IMPG1: variants seen among roughly 807,000 people sequenced by gnomAD.
IMPG1 encodes the protein interphotoreceptor matrix proteoglycan of 150 kDa.
In IMPG1, 85 loss-of-function variants were observed where a neutral mutation model predicts 92.0. The observed-to-expected ratio is 0.92, with a 90% CI of 0.78 to 1.11. The LOEUF (loss-of-function observed/expected upper bound fraction) is 1.11. IMPG1 is among the 50% of genes least tolerant of loss of function. The pLI is 0.00. For missense variants in IMPG1, 1,022 were observed against 956.0 expected (o/e 1.07, Z -0.91); for synonymous variants, 367 against 334.1 (o/e 1.10, Z -1.08).
chr6:75,931,207 G>A (rs961934325), intron 14 of IMPG1, 56 bp from the exon 15 acceptor site: 4 of 1,516,242 alleles, frequency 2.6e-6, no homozygotes, highest in Non-Finnish European at 3.6e-6. Context: ...CAATGGAACT[G>A]GCAGCAGTCA....
rs758515654 is a variant in IMPG1, at chr6:76,003,944, G to C, written c.1142C>G (p.Ala381Gly). ...AGGACCAAAGGCTGGCAGTGATCCA[G>C]CAATTTCTATGGGTAAAAAATCACA... is the stretch of plus-strand genomic sequence containing the variant. ...VGTIQFTDEIAGSLPAFGPDT... is the reference protein window; with the variant it reads ...VGTIQFTDEIGGSLPAFGPDT... Residue 381 changes from alanine (A) to glycine (G), a missense_variant, in exon 11 of 17, where the codon GCT becomes GGT. Around this residue, in one of 3 missense-constraint regions of IMPG1, gnomAD observed 681 missense variants for 583.6 expected, o/e 1.17. Transcript: ENST00000369950. The C allele has an allele frequency of 6.2e-7, 1 of 1,611,106 alleles. No homozygotes were observed. Among genetic ancestry groups the C allele is most frequent in the South Asian group, 1.1e-5 (1 of 90,652 alleles).
intron 15 of IMPG1, among the ~76,000 whole-genome samples, chr6:75,926,532 G>A (rs551188331): frequency 6.6e-5 from 10 of 152,288 alleles, no homozygotes; most frequent in African/African-American, 2.4e-4. Flanking sequence ...TACTGAAACT[G>A]TCCCCTATAT....
chr6:76,042,168 ATG>A (rs750391107), intron 1 of IMPG1, 42 bp from the exon 2 acceptor site: 1 of 961,128 alleles, frequency 1.0e-6, no homozygotes, highest in Non-Finnish European at 1.7e-6. Context: ...ATATACATTT[ATG>A]TGTTATATGT....
At chr6:75,936,275 C>T (rs1310324706) in intron 14 of IMPG1, among the ~76,000 whole-genome samples, 6 of 152,222 alleles carry the variant, frequency 3.9e-5, no homozygotes, top group African/African-American at 1.2e-4. Context: ...GCGTGTTCCA[C>T]GGCATAAAGC....
At chr6:75,951,815 G>A (rs1159603363) in intron 12 of IMPG1, among the ~76,000 whole-genome samples, 4 of 151,946 alleles carry the variant, frequency 2.6e-5, no homozygotes, top group Admixed American at 1.3e-4. Context: ...AGTAGTACAC[G>A]CCTGTAATTC....
chr6:76,023,854 A>C (rs1783477517), intron 5 of IMPG1, among the ~76,000 whole-genome samples: 1 of 152,194 alleles, frequency 6.6e-6, no homozygotes, highest in Admixed American at 6.5e-5. Context: ...GCTAAAGTAC[A>C]TTACCTTCAA....
intron 4 of IMPG1, among the ~76,000 whole-genome samples, chr6:76,031,232 T>C (rs1783648347): frequency 6.6e-6 from 1 of 152,234 alleles, no homozygotes; most frequent in Non-Finnish European, 1.5e-5. Flanking sequence ...GCATTGTGTC[T>C]GTGTTAGTAT....
rs569057871 is a variant in IMPG1 at position 76,030,676 on chromosome 6, C to T, written c.497+3639G>A. Among the ~76,000 whole-genome samples, 110 of 152,280 alleles carry T rather than the reference C, an allele frequency of 7.2e-4. 1 individual carries two copies. The Middle Eastern group carries it at 0.014, about 19-fold the overall frequency. On this transcript the variant is annotated intron_variant, in intron 4 of 16. Transcript: ENST00000369950. ...CCAAACAGTCATGCAACCAGAGCCTCGGACAATGGCCCCTTCTGCTGGGAA... is the reference window on the plus strand; with the variant it reads ...CCAAACAGTCATGCAACCAGAGCCTTGGACAATGGCCCCTTCTGCTGGGAA...
chr6:76,056,373 AAAAC>A (rs1226411846), intron 1 of IMPG1, among the ~76,000 whole-genome samples: 1 of 152,168 alleles, frequency 6.6e-6, no homozygotes, highest in African/African-American at 2.4e-5. Context: ...TTACAAGAAG[AAAAC>A]AAACAAGCAA....
At chr6:76,012,641 G>C (rs1053509660) in intron 7 of IMPG1, among the ~76,000 whole-genome samples, 68 of 152,310 alleles carry the variant, frequency 4.5e-4, no homozygotes, top group African/African-American at 1.6e-3. Context: ...CAGGGTGAAA[G>C]GTGAAACTGA....
intron 6 of IMPG1, among the ~76,000 whole-genome samples, chr6:76,020,017 A>G (rs60919176): frequency 0.045 from 6,893 of 152,158 alleles, 503 homozygotes; most frequent in African/African-American, 0.16. Flanking sequence ...TGAGGGAAGA[A>G]CATTTTTCAG....
At chr6:76,043,418 G>C (rs757930147) in intron 1 of IMPG1, among the ~76,000 whole-genome samples, 4 of 152,264 alleles carry the variant, frequency 2.6e-5, no homozygotes, top group South Asian at 2.1e-4. Flanking sequence ...ATATTGTAGA[G>C]GGTGGAGAAA....
intron 12 of IMPG1, among the ~76,000 whole-genome samples, chr6:75,986,197 C>G (rs889465554): frequency 3.6e-4 from 55 of 152,080 alleles, no homozygotes; most frequent in African/African-American, 9.9e-4. Context: ...GTTTTGGCTC[C>G]TTTTAAATTT....
At chr6:76,038,955 A>G (rs1473160873) in intron 2 of IMPG1, among the ~76,000 whole-genome samples, 1 of 152,250 alleles carries the variant, frequency 6.6e-6, no homozygotes, top group Non-Finnish European at 1.5e-5. Context: ...AATGCACAGT[A>G]CAGGGTTGTG....
rs777316946 is a variant in IMPG1, at chr6:76,042,038, G to A, written c.156C>T (p.Tyr52=). ...NETTESTEKM[Y]KMSTMRRIFD... ...ATATTCGTCTCATAGTTGACATTTT[G>A]TACATTTTTTCAGTACTTTCAGTTG... The change falls in exon 2 of 17, where the codon TAC becomes TAT. Residue 52 remains tyrosine, a synonymous_variant. Coordinates refer to ENST00000369950, the MANE Select transcript of IMPG1 (RefSeq NM_001563.4). 1.2e-6 allele frequency: 2 copies of A among 1,612,340 alleles called. No individual in the cohort carries two copies. The highest frequency in any genetic ancestry group is 1.7e-6 in the Non-Finnish European group (2 of 1,178,468).
chr6:75,953,852 A>T (rs1263154547), intron 12 of IMPG1, among the ~76,000 whole-genome samples: 3 of 152,108 alleles, frequency 2.0e-5, no homozygotes, highest in African/African-American at 7.2e-5. Flanking sequence ...TATGAGTGAG[A>T]ACATGCGGTG....
chr6:75,960,842 A>G (rs1241599402), intron 12 of IMPG1, among the ~76,000 whole-genome samples: 1 of 152,232 alleles, frequency 6.6e-6, no homozygotes, highest in Admixed American at 6.5e-5. Context: ...GATTTAAAAT[A>G]ACTGTTATGC....
At chr6:75,947,959 A>G (rs761565237) in intron 13 of IMPG1, among the ~76,000 whole-genome samples, 3 of 152,220 alleles carry the variant, frequency 2.0e-5, no homozygotes, top group Non-Finnish European at 4.4e-5. Flanking sequence ...GGATGCAGCC[A>G]ATTTGAAATG....
chr6:75,987,301 C>CTTT (rs201510997), intron 12 of IMPG1, among the ~76,000 whole-genome samples: 3 of 143,064 alleles, frequency 2.1e-5, no homozygotes, highest in African/African-American at 7.7e-5. Context: ...GACACACAGT[C>CTTT]TTTTTTTTTT....
Sources: gnomAD v4.1 joint callset for allele counts (sites outside exome capture counted in the v4.1 genomes callset) on GRCh38, gnomAD v4.1.1 for gene constraint, gnomAD v4.1.1 regional missense constraint, MANE v1.5 for transcripts, NCBI Gene and HGNC (gene_info 2026-07-23, HGNC 2026-07-21) for gene names.